The following PGR variants were observed in gnomAD, a reference collection of about 807,000 sequenced individuals.
PGR encodes nuclear receptor subfamily 3 group C member 3.
PGR carries 25 observed loss-of-function variants against 76.1 expected under a neutral mutation model. That is an observed-to-expected ratio of 0.33 (90% CI 0.24 to 0.46). The LOEUF (loss-of-function observed/expected upper bound fraction) is 0.46, where lower values mean the gene tolerates loss of function less well. Ranked by LOEUF, PGR falls within the 20% of genes least tolerant of loss-of-function variation. The pLI, the probability that PGR is intolerant of heterozygous loss-of-function variation, is 1.00. For synonymous variants in PGR, 579 were observed against 535.0 expected, an observed-to-expected ratio of 1.08 and a Z score of -1.14; for missense variants, 1,172 against 1,225.3, an observed-to-expected ratio of 0.96 and a Z score of 0.65.
At chr11:101,056,723 T>G (rs1398126951) in intron 4 of PGR, among the ~76,000 whole-genome samples, 4 of 151,212 alleles carry the variant, frequency 2.6e-5, no homozygotes, top group Non-Finnish European at 5.9e-5. Flanking sequence ...TGATAAAATA[T>G]GTAGGTTTTG....
intron 4 of PGR, among the ~76,000 whole-genome samples, chr11:101,060,623 C>A (rs1234809249): frequency 1.3e-5 from 2 of 152,154 alleles, no homozygotes; most frequent in Non-Finnish European, 2.9e-5. Context: ...AGCTCACTGA[C>A]CATTTTCATA....
Position 101,049,963 on chromosome 11 carries a change from G to A in PGR, c.2454C>T (p.Phe818=), listed in dbSNP as rs761701935. Residue 818 remains phenylalanine (F), a synonymous_variant, in exon 6 of 8, where the codon TTC becomes TTT. Transcript: ENST00000325455. ...GAAGTAACAATACTTTCATACAGAGGAACTCTTCTTGGCTAACTTGAAGCT... is the reference window on the plus strand; with the variant it reads ...GAAGTAACAATACTTTCATACAGAGAAACTCTTCTTGGCTAACTTGAAGCT... ...FVKLQVSQEE[F]LCMKVLLLLN... 10 of 1,612,102 alleles carry A rather than the reference G, an allele frequency of 6.2e-6. No homozygotes were observed. The South Asian group carries it at 1.1e-4, about 18-fold the overall frequency.
At chr11:101,059,303 C>G (rs527614328) in intron 4 of PGR, among the ~76,000 whole-genome samples, 1 of 152,070 alleles carries the variant, frequency 6.6e-6, no homozygotes, top group South Asian at 2.1e-4. Flanking sequence ...TCACATAACA[C>G]TATAGTTGTT....
intron 3 of PGR, among the ~76,000 whole-genome samples, chr11:101,073,298 C>T (rs1422376199): frequency 6.6e-6 from 1 of 151,994 alleles, no homozygotes; most frequent in Non-Finnish European, 1.5e-5. Flanking sequence ...CACAACATAC[C>T]AGAATCTCTG....
intron 2 of PGR, among the ~76,000 whole-genome samples, chr11:101,122,664 A>C (rs114384709): frequency 1.1e-4 from 17 of 152,342 alleles, no homozygotes; most frequent in African/African-American, 4.1e-4. Flanking sequence ...AGCTTAAAAG[A>C]AATCATTTTT....
intron 2 of PGR, among the ~76,000 whole-genome samples, chr11:101,117,988 T>C (rs1205293262): frequency 4.6e-5 from 7 of 152,218 alleles, no homozygotes; most frequent in African/African-American, 1.7e-4. Flanking sequence ...CTTGGTACTT[T>C]CCTCTCTAGT....
intron 3 of PGR, among the ~76,000 whole-genome samples, chr11:101,071,599 C>T (rs1476165470): frequency 6.6e-6 from 1 of 151,758 alleles, no homozygotes; most frequent in African/African-American, 2.4e-5. Context: ...AGAGGAATTG[C>T]TACCTAGAAT....
rs1859587751 is a variant in PGR at position 101,038,528 on chromosome 11, T to C, written c.*588A>G. On this transcript the variant is annotated 3_prime_UTR_variant, in exon 8 of 8. Transcript: ENST00000325455. ...CAATCTGGAAAATGGTCTTAACATA[T>C]GAGTTGTTTTGCCTAGTTTGAAGAA... is the stretch of plus-strand genomic sequence containing the variant. 4.4e-6 allele frequency: 1 copy of C among 229,242 alleles called. No homozygotes were observed. The highest frequency in any genetic ancestry group is 5.7e-5 in the Admixed American group (1 of 17,642). 14.2% of individuals were successfully genotyped at this position (229,242 alleles called of 1,614,324 possible).
Position 101,128,473 on chromosome 11 carries a change from A to G in PGR, c.598T>C (p.Ser200Pro), listed in dbSNP as rs769626706. The G allele has an allele frequency of 4.4e-6, 7 of 1,608,088 alleles. No homozygotes were observed. In the African/African-American group the frequency reaches 6.7e-5, roughly 15 times the overall value. Reference sequence around the variant, plus strand: ...GCCCCGGACCAGTGAGGGCTCTCAGAGGCCGGGAGCAGCAGCTGCCGGGCT... The same window carrying G: ...GCCCCGGACCAGTGAGGGCTCTCAGGGGCCGGGAGCAGCAGCTGCCGGGCT... Reference protein sequence around the residue: ...SPARQLLLPASESPHWSGAPV... With the variant: ...SPARQLLLPAPESPHWSGAPV... The change falls in exon 1 of 8, where the codon TCT becomes CCT. Residue 200 changes from serine (S) to proline (P), a missense_variant. Physicochemically the swap from Ser to Pro is moderately conservative, Grantham distance 74. Coordinates refer to ENST00000325455, the MANE Select transcript of PGR (RefSeq NM_000926.4).
Position 101,129,321 on chromosome 11 carries a change from C to G in PGR, c.-251G>C. On this transcript the variant is annotated 5_prime_UTR_variant, in exon 1 of 8. Coordinates refer to ENST00000325455, the MANE Select transcript of PGR (RefSeq NM_000926.4). Reference sequence around the variant, plus strand: ...GTCCCAGCGAGCGGCAAGTGGGGAGCGCAAGAAAAAGTAGTAATTGTTAGG... The same window carrying G: ...GTCCCAGCGAGCGGCAAGTGGGGAGGGCAAGAAAAAGTAGTAATTGTTAGG... The G allele has an allele frequency of 4.2e-6, 2 of 478,180 alleles. No individual in the cohort carries two copies. 29.6% of individuals were successfully genotyped at this position (478,180 alleles called of 1,614,324 possible). A position where few individuals can be genotyped will look rare whatever the true frequency, so the allele number is the denominator to read the frequency against.
At chr11:101,111,703 G>C (rs1200088230) in intron 2 of PGR, among the ~76,000 whole-genome samples, 1 of 152,198 alleles carries the variant, frequency 6.6e-6, no homozygotes, top group Non-Finnish European at 1.5e-5. Flanking sequence ...TGGCTTACCA[G>C]AGAAAACCCT....
chr11:101,068,673 T>C lies in PGR; in HGVS notation c.1907-5921A>G, dbSNP rs550702670. Among the ~76,000 whole-genome samples the C allele has an allele frequency of 7.2e-5, 11 of 152,066 alleles. No homozygotes were observed. In the South Asian group the frequency reaches 1.5e-3, roughly 20 times the overall value. On this transcript the variant is annotated intron_variant, in intron 3 of 7. Coordinates refer to ENST00000325455, the MANE Select transcript of PGR (RefSeq NM_000926.4). ...TGGTACTGGTACCCAAACAGATATATAGAACAATAGAACAGAACAGAGGCC... is the reference window on the plus strand; with the variant it reads ...TGGTACTGGTACCCAAACAGATATACAGAACAATAGAACAGAACAGAGGCC...
intron 3 of PGR, among the ~76,000 whole-genome samples, chr11:101,071,756 A>G (rs1860944480): frequency 1.3e-5 from 2 of 152,074 alleles, no homozygotes. Flanking sequence ...AATGAAATAA[A>G]GCATGAATAC....
Position 101,128,811 on chromosome 11 carries a change from T to A in PGR, c.260A>T (p.Tyr87Phe). Residue 87 changes from tyrosine to phenylalanine, a missense_variant, in exon 1 of 8, where the codon TAT (tyrosine) becomes TTT (phenylalanine). Tyr to Phe is a conservative substitution (Grantham distance 22). Transcript: ENST00000325455. ...QQSLSDVEGA[Y>F]SRAEATRGAG... is the part of the protein sequence containing the mutation. ...ACCCCTTGTAGCTTCAGCTCTGGAATATGCGCCCTCCACGTCCGACAGCGA... is the reference window on the plus strand; with the variant it reads ...ACCCCTTGTAGCTTCAGCTCTGGAAAATGCGCCCTCCACGTCCGACAGCGA... 6.2e-7 allele frequency: 1 copy of A among 1,614,196 alleles called. No homozygotes were observed. The highest frequency in any genetic ancestry group is 8.5e-7 in the Non-Finnish European group (1 of 1,180,054).
At chr11:101,061,083 T>C (rs1860478208) in intron 4 of PGR, among the ~76,000 whole-genome samples, 1 of 152,152 alleles carries the variant, frequency 6.6e-6, no homozygotes, top group Non-Finnish European at 1.5e-5. Flanking sequence ...AAAGAAATCA[T>C]ATTTTCCAAA....
intron 3 of PGR, among the ~76,000 whole-genome samples, chr11:101,088,254 A>G (rs1264192112): frequency 1.3e-5 from 2 of 152,186 alleles, no homozygotes; most frequent in Non-Finnish European, 2.9e-5. Flanking sequence ...GCTGTGGAAA[A>G]AAGGGAATAC....
In PGR at chr11:101,032,652, G is replaced by C. The variant is rs1284473331; in HGVS notation, c.*6464C>G. On this transcript the variant is annotated 3_prime_UTR_variant, in exon 8 of 8. Transcript: ENST00000325455. ...AATTCCTAAACTGCTTATAGATTGT[G>C]GCTTAGCTTTGACTTTTTTCAGGAT... is the stretch of plus-strand genomic sequence containing the variant. 4.5e-6 allele frequency: 1 copy of C among 220,454 alleles called. No individual in the cohort carries two copies. The highest frequency in any genetic ancestry group is 6.6e-5 in the East Asian group (1 of 15,116). 13.7% of individuals were successfully genotyped at this position (220,454 alleles called of 1,614,324 possible).
intron 2 of PGR, among the ~76,000 whole-genome samples, chr11:101,119,786 T>C (rs1350158792): frequency 1.3e-5 from 2 of 152,160 alleles, no homozygotes; most frequent in Admixed American, 1.3e-4. Context: ...GACCATGTAT[T>C]TATCTGAAAA....
chr11:101,053,606 CCCTCCTTTCTTCCCTCCCCTTCTTCCT>C (rs1860179742), intron 4 of PGR, among the ~76,000 whole-genome samples: 3 of 102,622 alleles, frequency 2.9e-5, no homozygotes, highest in Non-Finnish European at 5.8e-5. Flanking sequence ...CTCCCCTTCT[CCCTCCTTTCTTCCCTCCCCTTCTTCCT>C]CCTTTCTTCC....
Sources: allele counts gnomAD v4.1 joint callset (sites outside exome capture counted in the v4.1 genomes callset), GRCh38; gene constraint gnomAD v4.1.1; transcripts MANE v1.5; gene names NCBI Gene and HGNC (gene_info 2026-07-23, HGNC 2026-07-21).